The following SNTG2 variants were observed in gnomAD, a reference collection of about 807,000 sequenced individuals.
SNTG2 encodes gamma-2-syntrophin.
Under a neutral mutation model 70.9 loss-of-function variants are expected in SNTG2, and 74 were observed. The ratio of observed to expected loss-of-function variants is 1.04; its 90% CI spans 0.86 to 1.27. The LOEUF (loss-of-function observed/expected upper bound fraction) is 1.27. Among genes scored for constraint, SNTG2 ranks in the 50% most tolerant of loss-of-function variants. SNTG2 has a pLI of 0.00. For synonymous variants in SNTG2, 278 were observed against 273.8 expected (o/e 1.02, Z -0.15); for missense variants, 717 against 690.7 (o/e 1.04, Z -0.43).
At chr2:1,004,730 G>A (rs748969874) in intron 1 of SNTG2, among the ~76,000 whole-genome samples, 7 of 152,208 alleles carry the variant, frequency 4.6e-5, no homozygotes, top group Non-Finnish European at 1.0e-4. Flanking sequence ...GTATGGTGAA[G>A]TCATTTTGGA....
chr2:988,459 G>A (rs932181784), intron 1 of SNTG2, among the ~76,000 whole-genome samples: 1 of 152,054 alleles, frequency 6.6e-6, no homozygotes, highest in Non-Finnish European at 1.5e-5. Context: ...TCTTTTTTCA[G>A]ACTTCTTTGG....
intron 11 of SNTG2, among the ~76,000 whole-genome samples, chr2:1,240,939 C>T (rs1006458468): frequency 3.3e-5 from 5 of 152,048 alleles, no homozygotes; most frequent in African/African-American, 1.2e-4. Flanking sequence ...TATCATTTCC[C>T]TACTATGTGT....
At chr2:1,047,246 G>A (rs1327313431) in intron 1 of SNTG2, among the ~76,000 whole-genome samples, 1 of 152,076 alleles carries the variant, frequency 6.6e-6, no homozygotes, top group African/African-American at 2.4e-5. Flanking sequence ...TAATCTCTTG[G>A]ATAGTTTTAC....
intron 1 of SNTG2, among the ~76,000 whole-genome samples, chr2:1,057,107 A>G (rs1031561748): frequency 1.3e-5 from 2 of 152,030 alleles, no homozygotes; most frequent in African/African-American, 2.4e-5. Context: ...AGCTGGGGCC[A>G]GGCCTGTCCT....
At chr2:1,098,170 G>T (rs762775850) in intron 2 of SNTG2, 26 bp from the exon 3 acceptor site, 1 of 1,611,252 alleles carries the variant, frequency 6.2e-7, no homozygotes, top group Non-Finnish European at 8.5e-7. Flanking sequence ...ACCTAAACTT[G>T]GTTTGTTTTC....
chr2:1,157,621 T>C (rs4971365), intron 6 of SNTG2, among the ~76,000 whole-genome samples: 116,612 of 152,190 alleles, frequency 0.77, 45,728 homozygotes, highest in Non-Finnish European at 0.86. Context: ...GAATGAAGAG[T>C]TTCATAGGCT....
intron 7 of SNTG2, among the ~76,000 whole-genome samples, chr2:1,171,478 G>A (rs1671120639): frequency 6.6e-6 from 1 of 152,146 alleles, no homozygotes; most frequent in African/African-American, 2.4e-5. Flanking sequence ...AACAGGCATT[G>A]GGAAAGAATT....
intron 6 of SNTG2, among the ~76,000 whole-genome samples, chr2:1,157,866 T>G (rs4971396): frequency 0.77 from 116,851 of 152,168 alleles, 45,893 homozygotes; most frequent in Non-Finnish European, 0.86. Context: ...TTGGAAGGAT[T>G]CTAAAGCTAT....
At chr2:1,062,578 A>C (rs1290964707) in intron 1 of SNTG2, among the ~76,000 whole-genome samples, 2 of 152,246 alleles carry the variant, frequency 1.3e-5, no homozygotes, top group Non-Finnish European at 2.9e-5. Context: ...GTATCTCCAA[A>C]GTGTAACAGA....
intron 14 of SNTG2, among the ~76,000 whole-genome samples, chr2:1,281,318 T>G (rs991818750): frequency 2.2e-3 from 3 of 1,366 alleles, no homozygotes; most frequent in Non-Finnish European, 4.1e-3. Flanking sequence ...GTGTGTGTGT[T>G]TGTGTGGTGT....
intron 8 of SNTG2, 30 bp downstream of exon 8, chr2:1,173,213 T>C: frequency 6.3e-7 from 1 of 1,581,812 alleles, no homozygotes. Flanking sequence ...TTAAATTTTA[T>C]TTTAACAGAA....
At chr2:1,173,370 A>G (rs555247516) in intron 8 of SNTG2, among the ~76,000 whole-genome samples, 187 bp downstream of exon 8, 1 of 152,342 alleles carries the variant, frequency 6.6e-6, no homozygotes, top group East Asian at 1.9e-4. Context: ...CGTGGGACAC[A>G]TCCTGATTGC....
intron 13 of SNTG2, among the ~76,000 whole-genome samples, chr2:1,266,545 G>A (rs115129764): frequency 0.013 from 2,041 of 152,220 alleles, 46 homozygotes; most frequent in African/African-American, 0.047. Context: ...CTGGGTGGCC[G>A]GGTGCCTTGT....
intron 4 of SNTG2, among the ~76,000 whole-genome samples, chr2:1,116,844 G>A (rs1292860570): frequency 2.0e-5 from 3 of 148,270 alleles, no homozygotes; most frequent in Non-Finnish European, 4.5e-5. Context: ...GTGTATGGGT[G>A]CCCTGGTGTG....
chr2:1,257,312 T>C (rs1678176327), intron 12 of SNTG2, among the ~76,000 whole-genome samples: 1 of 152,218 alleles, frequency 6.6e-6, no homozygotes, highest in South Asian at 2.1e-4. Context: ...ATGAGAATTC[T>C]GGCCTGAATT....
intron 8 of SNTG2, among the ~76,000 whole-genome samples, chr2:1,203,637 G>C (rs1366845174): frequency 6.6e-6 from 1 of 150,456 alleles, no homozygotes; most frequent in Non-Finnish European, 1.5e-5. Context: ...CTGTGCAACA[G>C]AGTGAGACCT....
rs185824404 is a variant in SNTG2 at position 1,116,662 on chromosome 2, G to T, written c.325+18252G>T. On this transcript the variant is annotated intron_variant, in intron 4 of 16. Transcript: ENST00000308624. ...CTCCAGTGTATGAGTGCCCTGGTGT[G>T]TGGGTGCTCTGGCATGGGGGTGCTC... Among the ~76,000 whole-genome samples the T allele has an allele frequency of 4.3e-5, 6 of 138,728 alleles. No homozygotes were observed. In the East Asian group the frequency reaches 1.2e-3, roughly 27 times the overall value. The allele number at this position is 138,728 out of a possible 152,430, so 91.0% of individuals were successfully genotyped here. A position where few individuals can be genotyped will look rare whatever the true frequency, so the allele number is the denominator to read the frequency against.
chr2:1,085,865 G>T (rs1363600604), intron 2 of SNTG2, among the ~76,000 whole-genome samples: 1 of 152,148 alleles, frequency 6.6e-6, no homozygotes, highest in Non-Finnish European at 1.5e-5. Flanking sequence ...TGCATTAGAT[G>T]TTCTTTTAAT....
At position 1,267,588 on chromosome 2, in the gene SNTG2, C is replaced by A; in HGVS notation, c.1284+17C>A. ...AGAACCGGGGTAAGTGAACAACTCACACTCTTCTCACCTACACCTGCTCGG... is the reference window on the plus strand; with the variant it reads ...AGAACCGGGGTAAGTGAACAACTCAAACTCTTCTCACCTACACCTGCTCGG... On this transcript the variant is annotated intron_variant, in intron 14 of 16. Coordinates refer to ENST00000308624, the MANE Select transcript of SNTG2 (RefSeq NM_018968.4). 6.2e-7 allele frequency: 1 copy of A among 1,608,624 alleles called. No individual in the cohort carries two copies.
Sources: allele counts gnomAD v4.1 joint callset (sites outside exome capture counted in the v4.1 genomes callset), GRCh38; gene constraint gnomAD v4.1.1; transcripts MANE v1.5; gene names NCBI Gene and HGNC (gene_info 2026-07-23, HGNC 2026-07-21).